Variants in KITLG observed in about 807,000 individuals in gnomAD.
KITLG encodes the protein c-Kit ligand.
KITLG carries 13 observed loss-of-function variants against 34.1 expected under a neutral mutation model. The ratio of observed to expected loss-of-function variants is 0.38; its 90% CI spans 0.25 to 0.61. KITLG has a LOEUF of 0.61. Ranked by LOEUF, KITLG falls within the 20% of genes least tolerant of loss-of-function variation. The probability of loss-of-function intolerance (pLI) is 0.60; values close to 1 mark genes in which losing one functional copy is unlikely to be tolerated. For missense variants in KITLG, 292 were observed against 318.9 expected (o/e 0.92, Z 0.64); for synonymous variants, 110 against 104.0 (o/e 1.06, Z -0.35).
intron 9 of KITLG, among the ~76,000 whole-genome samples, chr12:88,504,748 G>C (rs1315492637): frequency 6.6e-6 from 1 of 152,228 alleles, no homozygotes; most frequent in East Asian, 1.9e-4. Flanking sequence ...ATTTGACCCA[G>C]GCATCCCATT....
chr12:88,544,991 G>C (rs1331446014), intron 2 of KITLG, among the ~76,000 whole-genome samples: 1 of 152,212 alleles, frequency 6.6e-6, no homozygotes, highest in East Asian at 1.9e-4. Context: ...TTTAAAAATT[G>C]CTTCTCAAGC....
chr12:88,493,383 T>G lies in KITLG; in HGVS notation c.*3836A>C, dbSNP rs576126634. ...GGATTATTTCTTGAAAAAAACACCTTGTTATAAAATGAAAGTACCATTATT... is the reference window on the plus strand; with the variant it reads ...GGATTATTTCTTGAAAAAAACACCTGGTTATAAAATGAAAGTACCATTATT... On this transcript the variant is annotated 3_prime_UTR_variant, in exon 10 of 10. Coordinates refer to ENST00000644744, the MANE Select transcript of KITLG (RefSeq NM_000899.5). 6.6e-6 allele frequency: 1 copy of G among 152,374 alleles called. No individual in the cohort carries two copies. The highest frequency in any genetic ancestry group is 2.1e-4 in the South Asian group (1 of 4,830). 9.4% of individuals were successfully genotyped at this position (152,374 alleles called of 1,614,324 possible).
chr12:88,500,046 G>A lies in KITLG; in HGVS notation c.*38-2865C>T, dbSNP rs572420772. 2.6e-5 allele frequency among the ~76,000 whole-genome samples: 4 copies of A among 152,128 alleles called. No homozygotes were observed. The South Asian group carries it at 8.3e-4, about 32-fold the overall frequency. On this transcript the variant is annotated intron_variant, in intron 9 of 9. Transcript: ENST00000644744. ...ACAAGGCATTTAAGCCCCATTCCTG[G>A]AATTCAAACCCTTTCTCAAACCGAT...
Position 88,495,259 on chromosome 12 carries a change from TAAATC to T in KITLG, c.*1955_*1959del, listed in dbSNP as rs1478661247. On this transcript the variant is annotated 3_prime_UTR_variant, in exon 10 of 10. Coordinates refer to ENST00000644744, the MANE Select transcript of KITLG (RefSeq NM_000899.5). ...AAGCAAACTGAAACCATTGGTTAAA[TAAATC>T]AAACTACTAGATTGAGAAGTATCTA... 3 of 152,058 alleles carry T rather than the reference TAAATC, an allele frequency of 2.0e-5. No homozygotes were observed. Among genetic ancestry groups the T allele is most frequent in the Non-Finnish European group, 4.4e-5 (3 of 67,952 alleles). 9.4% of individuals were successfully genotyped at this position (152,058 alleles called of 1,614,324 possible). A position where few individuals can be genotyped will look rare whatever the true frequency, so the allele number is the denominator to read the frequency against.
intron 1 of KITLG, among the ~76,000 whole-genome samples, chr12:88,568,701 A>G (rs1341827574): frequency 6.6e-6 from 1 of 152,196 alleles, no homozygotes. Context: ...AAATTAGAGC[A>G]GGAAACCGTG....
intron 2 of KITLG, chr12:88,534,658 T>C (rs758443830): frequency 2.0e-6 from 1 of 511,708 alleles, no homozygotes; most frequent in Non-Finnish European, 3.9e-6. Flanking sequence ...TGAGCCACCG[T>C]GTCCATTCCA....
chr12:88,561,524 C>A (rs1871297733), intron 1 of KITLG, among the ~76,000 whole-genome samples: 1 of 152,178 alleles, frequency 6.6e-6, no homozygotes, highest in South Asian at 2.1e-4. Flanking sequence ...TGGAAGATTA[C>A]AGGGATCCTC....
At chr12:88,574,290 GAAAAAAAAA>G (rs5799871) in intron 1 of KITLG, among the ~76,000 whole-genome samples, 1 of 139,316 alleles carries the variant, frequency 7.2e-6, no homozygotes, top group African/African-American at 2.8e-5. Flanking sequence ...ACTGCTAAAA[GAAAAAAAAA>G]AAAAGAAAAA....
intron 1 of KITLG, among the ~76,000 whole-genome samples, chr12:88,572,844 T>A (rs1161657484): frequency 6.6e-6 from 1 of 152,082 alleles, no homozygotes; most frequent in Non-Finnish European, 1.5e-5. Flanking sequence ...TATACTGTGA[T>A]AATGTATCTT....
In KITLG at chr12:88,580,174, C is replaced by A. The variant is rs72558018; in HGVS notation, c.15+90G>T. ...GCAGGCACAGCCCTGCACGCCCCAG[C>A]TGCAAGTCCCAGGGAGCGCCGGCTT... On this transcript the variant is annotated intron_variant, in intron 1 of 9. Transcript: ENST00000644744. 500 of 1,373,506 alleles carry A rather than the reference C, an allele frequency of 3.6e-4. 4 individuals are homozygous for A. In the African/African-American group the frequency reaches 6.1e-3, roughly 17 times the overall value. 85.1% of individuals were successfully genotyped at this position (1,373,506 alleles called of 1,614,324 possible).
At position 88,494,067 on chromosome 12, in the gene KITLG, ACC is replaced by A. The variant is rs1868513009; in HGVS notation, c.*3150_*3151del. 6.6e-6 allele frequency: 1 copy of A among 151,840 alleles called. No homozygotes were observed. Among genetic ancestry groups the A allele is most frequent in the African/African-American group, 2.4e-5 (1 of 41,420 alleles). The allele number at this position is 151,840 out of a possible 1,614,324, so 9.4% of individuals were successfully genotyped here. On this transcript the variant is annotated 3_prime_UTR_variant, in exon 10 of 10. Transcript: ENST00000644744. ...TGTCGGTCATATTGCAATAGGACTC[ACC>A]CCTAAGGAGTGATCTCTGAGTTTAC...
chr12:88,516,633 T>G, intron 4 of KITLG, 143 bp from the exon 5 acceptor site: 1 of 575,710 alleles, frequency 1.7e-6, no homozygotes, highest in South Asian at 2.1e-5. Context: ...TTTTAACGTA[T>G]GTAATTCAGA....
chr12:88,517,449 A>G (rs1326756903), intron 4 of KITLG, among the ~76,000 whole-genome samples: 3 of 152,124 alleles, frequency 2.0e-5, no homozygotes, highest in African/African-American at 7.2e-5. Flanking sequence ...ACTGAGAAAT[A>G]TAATTGGTAA....
intron 2 of KITLG, among the ~76,000 whole-genome samples, chr12:88,540,499 T>C (rs1343282783): frequency 6.6e-6 from 1 of 152,074 alleles, no homozygotes; most frequent in Admixed American, 6.6e-5. Flanking sequence ...TAACTATTGT[T>C]CTAAAAAACC....
rs2120767789 is a variant in KITLG, at chr12:88,494,444, C to T, written c.*2775G>A. 1 of 152,348 alleles carries T rather than the reference C, an allele frequency of 6.6e-6. No homozygotes were observed. Among genetic ancestry groups the T allele is most frequent in the South Asian group, 2.1e-4 (1 of 4,816 alleles). 9.4% of individuals were successfully genotyped at this position (152,348 alleles called of 1,614,324 possible). A position where few individuals can be genotyped will look rare whatever the true frequency, so the allele number is the denominator to read the frequency against. On this transcript the variant is annotated 3_prime_UTR_variant, in exon 10 of 10. Coordinates refer to ENST00000644744, the MANE Select transcript of KITLG (RefSeq NM_000899.5). Reference sequence around the variant, plus strand: ...AAATGTATTTAATTCTTACTAAAACCAATACTTCATTAGGTATGCATATTT... The same window carrying T: ...AAATGTATTTAATTCTTACTAAAACTAATACTTCATTAGGTATGCATATTT...
At chr12:88,551,709 A>G (rs560321270) in intron 1 of KITLG, among the ~76,000 whole-genome samples, 23 of 149,734 alleles carry the variant, frequency 1.5e-4, no homozygotes, top group African/African-American at 5.6e-4. Flanking sequence ...GATGAACACA[A>G]CATGTGTCCC....
rs777459256 is a variant in KITLG at position 88,567,565 on chromosome 12, CAG to C, written c.15+12697_15+12698del. Among the ~76,000 whole-genome samples the C allele has an allele frequency of 4.6e-5, 7 of 152,288 alleles. No homozygotes were observed. In the East Asian group the frequency reaches 9.6e-4, roughly 21 times the overall value. ...TGGACAACCAAGCCCTTAAACTAAACAGAGTCACTGACAAGAAAATAAAACCT... is the reference window on the plus strand; with the variant it reads ...TGGACAACCAAGCCCTTAAACTAAACAGTCACTGACAAGAAAATAAAACCT... On this transcript the variant is annotated intron_variant, in intron 1 of 9. Coordinates refer to ENST00000644744, the MANE Select transcript of KITLG (RefSeq NM_000899.5).
At chr12:88,501,766 C>G (rs1273882366) in intron 9 of KITLG, among the ~76,000 whole-genome samples, 2 of 152,092 alleles carry the variant, frequency 1.3e-5, no homozygotes, top group Non-Finnish European at 1.5e-5. Flanking sequence ...AAGTTTATTT[C>G]TGTTTTTATT....
intron 1 of KITLG, among the ~76,000 whole-genome samples, chr12:88,550,645 A>G (rs927561469): frequency 6.6e-6 from 1 of 152,170 alleles, no homozygotes; most frequent in Non-Finnish European, 1.5e-5. Flanking sequence ...GTGACTTCTG[A>G]GTGGTGAAAT....
Sources: gnomAD v4.1 joint callset for allele counts (sites outside exome capture counted in the v4.1 genomes callset) on GRCh38, gnomAD v4.1.1 for gene constraint, MANE v1.5 for transcripts, NCBI Gene and HGNC (gene_info 2026-07-23, HGNC 2026-07-21) for gene names.